The following MAF variants were observed in gnomAD, a reference collection of about 807,000 sequenced individuals.
The protein encoded by MAF is MAF bZIP transcription factor, also known as transcription factor Maf.
MAF carries 10 observed loss-of-function variants against 22.0 expected under a neutral mutation model. That is an observed-to-expected ratio of 0.45 (90% confidence interval 0.28 to 0.77). The LOEUF is 0.77. Ranked by LOEUF, MAF falls within the 30% of genes least tolerant of loss-of-function variation. The pLI, the probability that MAF is intolerant of heterozygous loss-of-function variation, is 0.12. For synonymous variants in MAF, 337 were observed against 255.8 expected (o/e 1.32, Z -3.03); for missense variants, 544 against 548.4 (o/e 0.99, Z 0.08).
chr16:79,211,711 A>G, the MAF span: 12 of 1,614,110 alleles, frequency 7.4e-6, no homozygotes, highest in African/African-American at 1.6e-4. Context: ...CCCTCACCAG[A>G]AGCTCAGAGC....
chr16:79,571,732 G>C, the MAF span, among the ~76,000 whole-genome samples: 1 of 151,972 alleles, frequency 6.6e-6, no homozygotes, highest in Non-Finnish European at 1.5e-5. Flanking sequence ...TCCAGCCTTG[G>C]CATCACCAGC....
At chr16:79,350,826 G>C in the MAF span, among the ~76,000 whole-genome samples, 1 of 152,216 alleles carries the variant, frequency 6.6e-6, no homozygotes, top group Middle Eastern at 3.4e-3. Context: ...TGGAATGTCA[G>C]AGTTGTGTGG....
chr16:79,405,867 A>G, the MAF span, among the ~76,000 whole-genome samples: 4 of 152,150 alleles, frequency 2.6e-5, no homozygotes, highest in African/African-American at 9.7e-5. Context: ...CCCGTCAACC[A>G]TCTCATTTCC....
At chr16:79,478,318 T>C in the MAF span, among the ~76,000 whole-genome samples, 1 of 152,336 alleles carries the variant, frequency 6.6e-6, no homozygotes. Context: ...TATTTTCTCA[T>C]TTTATAGATG....
At chr16:79,438,845 C>T in the MAF span, among the ~76,000 whole-genome samples, 1 of 152,146 alleles carries the variant, frequency 6.6e-6, no homozygotes, top group Non-Finnish European at 1.5e-5. Flanking sequence ...GCACGTATTC[C>T]ATGTGTGCGC....
At chr16:79,210,501 C>T in the MAF span, among the ~76,000 whole-genome samples, 4 of 152,146 alleles carry the variant, frequency 2.6e-5, no homozygotes, top group African/African-American at 7.2e-5. Flanking sequence ...ATCAAAGTTC[C>T]TTAGTGTTTT....
chr16:79,590,128 T>A (rs537651239), downstream of MAF, among the ~76,000 whole-genome samples: 169 of 152,106 alleles, frequency 1.1e-3, no homozygotes, highest in Middle Eastern at 0.014. Flanking sequence ...CGGGCAGTGA[T>A]GTCCAGGGCT....
the MAF span, among the ~76,000 whole-genome samples, chr16:79,564,689 G>T: frequency 2.0e-5 from 3 of 152,152 alleles, no homozygotes; most frequent in Non-Finnish European, 4.4e-5. Flanking sequence ...TTTTATTCAG[G>T]TCTGCCCAGA....
chr16:79,518,156 G>T, the MAF span, among the ~76,000 whole-genome samples: 2 of 152,222 alleles, frequency 1.3e-5, no homozygotes, highest in Non-Finnish European at 1.5e-5. Flanking sequence ...GGCAGGTGAA[G>T]AAGTAGAGAT....
At chr16:79,319,370 T>C in the MAF span, among the ~76,000 whole-genome samples, 1 of 152,256 alleles carries the variant, frequency 6.6e-6, no homozygotes, top group Admixed American at 6.5e-5. Context: ...TATGGATCAA[T>C]GCGCTCAGAC....
At chr16:79,206,096 C>G in the MAF span, 2 of 152,118 alleles carry the variant, frequency 1.3e-5, no homozygotes, top group African/African-American at 2.4e-5. Context: ...AAATGGATAT[C>G]ATTTCAATTT....
the MAF span, among the ~76,000 whole-genome samples, chr16:79,445,844 C>A: frequency 1.3e-5 from 2 of 152,284 alleles, no homozygotes; most frequent in African/African-American, 4.8e-5. Context: ...GATGTTATTT[C>A]AAACCAGCTT....
At chr16:79,203,617 C>T in the MAF span, 1 of 151,862 alleles carries the variant, frequency 6.6e-6, no homozygotes, top group Admixed American at 6.6e-5. Context: ...GTGGTTCGTC[C>T]TGAAATCCTC....
chr16:79,597,093 T>C (rs1474607195), intron 1 of MAF: 1 of 1,059,168 alleles, frequency 9.4e-7, no homozygotes, highest in Non-Finnish European at 1.1e-6. Context: ...TATATTTAAG[T>C]TGCAAGCACA....
chr16:79,414,316 G>A, the MAF span, among the ~76,000 whole-genome samples: 1 of 152,192 alleles, frequency 6.6e-6, no homozygotes, highest in African/African-American at 2.4e-5. Context: ...AGCTTCTGGT[G>A]AGGCCTCAGG....
At chr16:79,236,197 C>T in the MAF span, among the ~76,000 whole-genome samples, 401 of 152,198 alleles carry the variant, frequency 2.6e-3, 3 homozygotes, top group African/African-American at 8.8e-3. Flanking sequence ...ATAGCTTGTG[C>T]GCTCAACTTG....
the MAF span, among the ~76,000 whole-genome samples, chr16:79,268,750 G>A: frequency 6.6e-6 from 1 of 152,118 alleles, no homozygotes. Flanking sequence ...TTCAAAAGAG[G>A]ACCCCAATCC....
At chr16:79,470,665 G>C in the MAF span, among the ~76,000 whole-genome samples, 1 of 152,186 alleles carries the variant, frequency 6.6e-6, no homozygotes, top group Non-Finnish European at 1.5e-5. Flanking sequence ...AGAAAACTGA[G>C]ACTTAAAGAG....
At chr16:79,393,716 C>A in the MAF span, among the ~76,000 whole-genome samples, 1 of 152,122 alleles carries the variant, frequency 6.6e-6, no homozygotes, top group Non-Finnish European at 1.5e-5. Context: ...GCTTGGCTAG[C>A]CAGCTCCTCT....
Sources: allele counts gnomAD v4.1 joint callset (sites outside exome capture counted in the v4.1 genomes callset), GRCh38; gene constraint gnomAD v4.1.1; transcripts MANE v1.5; gene names NCBI Gene and HGNC (gene_info 2026-07-23, HGNC 2026-07-21).